The following OXCT1 variants were observed in gnomAD, a reference collection of about 807,000 sequenced individuals.
OXCT1 encodes 3-oxoacid CoA-transferase 1, also known as succinyl-CoA:3-ketoacid coenzyme A transferase 1, mitochondrial.
Under a neutral mutation model 69.6 loss-of-function variants are expected in OXCT1, and 27 were observed. The observed-to-expected ratio is 0.39, with a 90% CI of 0.29 to 0.54. The LOEUF is 0.54. Ranked by LOEUF, OXCT1 falls within the 20% of genes least tolerant of loss-of-function variation. OXCT1 has a pLI of 0.72. For missense variants in OXCT1, 437 were observed against 650.2 expected, an observed-to-expected ratio of 0.67 and a Z score of 3.57; for synonymous variants, 202 against 217.8, an observed-to-expected ratio of 0.93 and a Z score of 0.64.
intron 7 of OXCT1, among the ~76,000 whole-genome samples, chr5:41,839,636 T>G (rs1202889751): frequency 6.6e-6 from 1 of 152,236 alleles, no homozygotes; most frequent in East Asian, 1.9e-4. Context: ...TACACTGTAC[T>G]GACTTCATGA....
intron 13 of OXCT1, among the ~76,000 whole-genome samples, chr5:41,773,754 G>A (rs1281228882): frequency 1.3e-5 from 2 of 152,124 alleles, no homozygotes. Flanking sequence ...TTCTTGATAG[G>A]CCAATGTTTC....
intron 14 of OXCT1, among the ~76,000 whole-genome samples, chr5:41,750,909 G>A (rs1743747851): frequency 6.6e-6 from 1 of 152,070 alleles, no homozygotes. Flanking sequence ...GGGAATCTTG[G>A]ATAGATTTTT....
intron 16 of OXCT1, among the ~76,000 whole-genome samples, chr5:41,739,168 C>T (rs1255965661): frequency 1.3e-5 from 2 of 152,154 alleles, no homozygotes; most frequent in Middle Eastern, 3.2e-3. Context: ...TGGTGTGTCC[C>T]CTTCCTGCTT....
intron 3 of OXCT1, among the ~76,000 whole-genome samples, chr5:41,858,722 C>T (rs905230555): frequency 6.6e-6 from 1 of 152,132 alleles, no homozygotes; most frequent in Admixed American, 6.6e-5. Flanking sequence ...ATTGGCAATT[C>T]TTGTCAAAAT....
chr5:41,747,582 T>G (rs1425937196), intron 15 of OXCT1, among the ~76,000 whole-genome samples: 1 of 151,960 alleles, frequency 6.6e-6, no homozygotes, highest in African/African-American at 2.4e-5. Flanking sequence ...TAGGGAAGAC[T>G]TGCTAGATTA....
Position 41,855,855 on chromosome 5 carries a change from A to G in OXCT1, c.279-2301T>C, listed in dbSNP as rs368957945. Reference sequence around the variant, plus strand: ...GGGGAGGAGAAAGATAGCAGAAAAAATCTTACAGGAGGTGGCACTTACACA... The same window carrying G: ...GGGGAGGAGAAAGATAGCAGAAAAAGTCTTACAGGAGGTGGCACTTACACA... On this transcript the variant is annotated intron_variant, in intron 3 of 16. Transcript: ENST00000196371. Among the ~76,000 whole-genome samples, 5 of 152,210 alleles carry G rather than the reference A, an allele frequency of 3.3e-5. No homozygotes were observed. The East Asian group carries it at 7.7e-4, about 23-fold the overall frequency.
chr5:41,775,596 T>C (rs867553843), intron 13 of OXCT1, among the ~76,000 whole-genome samples: 1 of 152,094 alleles, frequency 6.6e-6, no homozygotes, highest in African/African-American at 2.4e-5. Context: ...GATTAAGTCA[T>C]TGGCCATTGG....
Position 41,817,987 on chromosome 5 carries a change from T to G in OXCT1, c.733-10549A>C, listed in dbSNP as rs76978755. On this transcript the variant is annotated intron_variant, in intron 7 of 16. Transcript: ENST00000196371. The stretch of plus-strand genomic sequence containing the variant: ...AAGGCATTTTTGCTTTCTTAGACCA[T>G]GGCAGGATAATGTCAATCAAGTAAA... Among the ~76,000 whole-genome samples the G allele has an allele frequency of 4.9e-3, 748 of 152,334 alleles. 8 individuals are homozygous for G. The highest frequency in any genetic ancestry group is 0.017 in the African/African-American group (701 of 41,576).
At chr5:41,794,142 G>T in intron 12 of OXCT1, 64 bp from the exon 13 acceptor site, 2 of 1,206,286 alleles carry the variant, frequency 1.7e-6, no homozygotes, top group Non-Finnish European at 2.5e-6. Flanking sequence ...GCTTGAACTT[G>T]CCAGCAATTA....
intron 13 of OXCT1, among the ~76,000 whole-genome samples, chr5:41,771,395 A>G (rs1045789454): frequency 8.5e-5 from 13 of 152,204 alleles, no homozygotes; most frequent in Non-Finnish European, 1.8e-4. Flanking sequence ...TCAAGGTACA[A>G]TCAATGTGTG....
chr5:41,740,331 TA>T (rs1743102579), intron 15 of OXCT1, among the ~76,000 whole-genome samples: 1 of 152,188 alleles, frequency 6.6e-6, no homozygotes, highest in Non-Finnish European at 1.5e-5. Flanking sequence ...GACATGCAAG[TA>T]ACTGTTTAAA....
intron 5 of OXCT1, among the ~76,000 whole-genome samples, chr5:41,848,781 A>G (rs972586872): frequency 6.6e-6 from 1 of 152,088 alleles, no homozygotes; most frequent in Non-Finnish European, 1.5e-5. Flanking sequence ...ACAAAAATCA[A>G]TTCAAGATGG....
chr5:41,744,183 G>T (rs11738517), intron 15 of OXCT1, among the ~76,000 whole-genome samples: 4 of 151,592 alleles, frequency 2.6e-5, no homozygotes, highest in Admixed American at 6.6e-5. Context: ...AGGTCCTTCA[G>T]GTCCCTTGTA....
intron 14 of OXCT1, among the ~76,000 whole-genome samples, chr5:41,758,335 G>A (rs1319736260): frequency 6.6e-6 from 1 of 152,100 alleles, no homozygotes; most frequent in African/African-American, 2.4e-5. Flanking sequence ...GTGGAGTTGT[G>A]TAATAGGAAG....
intron 7 of OXCT1, among the ~76,000 whole-genome samples, chr5:41,819,406 C>T (rs903810140): frequency 6.6e-6 from 1 of 151,976 alleles, no homozygotes; most frequent in African/African-American, 2.4e-5. Flanking sequence ...GAGTTTCACT[C>T]GTTACCCAGG....
Position 41,771,563 on chromosome 5 carries a change from T to C in OXCT1, c.1249-9363A>G, listed in dbSNP as rs79980561. On this transcript the variant is annotated intron_variant, in intron 13 of 16. Transcript: ENST00000196371. ...TCTGTTCTGAAGCTGCAGTTGCAGT[T>C]TTCATAGAGTCTATTCATAATACTA... Among the ~76,000 whole-genome samples, 143 of 152,298 alleles carry C rather than the reference T, an allele frequency of 9.4e-4. 3 individuals are homozygous for C. The East Asian group carries it at 0.024, about 25-fold the overall frequency.
At chr5:41,752,079 A>C (rs1426949375) in intron 14 of OXCT1, among the ~76,000 whole-genome samples, 1 of 152,156 alleles carries the variant, frequency 6.6e-6, no homozygotes, top group South Asian at 2.1e-4. Context: ...TTAGTGACTC[A>C]CAAAGGAGGA....
At position 41,823,248 on chromosome 5, in the gene OXCT1, C is replaced by T. The variant is rs564729843; in HGVS notation, c.733-15810G>A. Among the ~76,000 whole-genome samples the T allele has an allele frequency of 4.6e-5, 7 of 152,270 alleles. No individual in the cohort carries two copies. In the East Asian group the frequency reaches 1.2e-3, roughly 25 times the overall value. On this transcript the variant is annotated intron_variant, in intron 7 of 16. Coordinates refer to ENST00000196371, the MANE Select transcript of OXCT1 (RefSeq NM_000436.4). ...AAGGCAGGCCTTGTTAAAAAGAGAA[C>T]GCTCTGGGTATATTTCAAAATGTCC... is the stretch of plus-strand genomic sequence containing the variant.
chr5:41,833,524 G>GAAAAA (rs70988870), intron 7 of OXCT1, among the ~76,000 whole-genome samples: 3 of 137,544 alleles, frequency 2.2e-5, no homozygotes, highest in Non-Finnish European at 3.1e-5. Context: ...TCTTTGATCT[G>GAAAAA]AAAAAAAAAA....
Sources: gnomAD v4.1 joint callset for allele counts (sites outside exome capture counted in the v4.1 genomes callset) on GRCh38, gnomAD v4.1.1 for gene constraint, MANE v1.5 for transcripts, NCBI Gene and HGNC (gene_info 2026-07-23, HGNC 2026-07-21) for gene names.